Variants in UCHL5 observed in about 807,000 individuals in gnomAD.
The protein encoded by UCHL5 is ubiquitin C-terminal hydrolase L5.
A neutral mutation model predicts 53.8 loss-of-function variants in UCHL5; 34 were observed. The observed-to-expected ratio is 0.63, with a 90% CI of 0.48 to 0.84. The LOEUF (loss-of-function observed/expected upper bound fraction) is 0.84, where lower values mean the gene tolerates loss of function less well. UCHL5 is among the 40% of genes least tolerant of loss of function. UCHL5 has a pLI of 0.00. For missense variants in UCHL5, 290 were observed against 385.6 expected (o/e 0.75, Z 2.08); for synonymous variants, 111 against 126.3 (o/e 0.88, Z 0.81).
chr1:193,043,228 C>A (rs1226238770), intron 3 of UCHL5, among the ~76,000 whole-genome samples: 1 of 145,978 alleles, frequency 6.9e-6, no homozygotes, highest in Non-Finnish European at 1.5e-5. Context: ...CCTAACTGTA[C>A]CTAATATCCT....
At chr1:193,052,375 G>T (rs1416595160) in intron 1 of UCHL5, among the ~76,000 whole-genome samples, 2 of 152,078 alleles carry the variant, frequency 1.3e-5, no homozygotes, top group African/African-American at 4.8e-5. Context: ...GGCAATGATA[G>T]ACTTTTTTTT....
chr1:193,043,199 TG>T, intron 3 of UCHL5, among the ~76,000 whole-genome samples: 1 of 144,106 alleles, frequency 6.9e-6, no homozygotes, highest in African/African-American at 2.6e-5. Flanking sequence ...TATAAACTAT[TG>T]TTTTTTTTAT....
rs1285138917 is a variant in UCHL5, at chr1:193,014,884, T to G, written c.*1467A>C. 1 of 152,086 alleles carries G rather than the reference T, an allele frequency of 6.6e-6. No individual in the cohort carries two copies. Among genetic ancestry groups the G allele is most frequent in the Non-Finnish European group, 1.5e-5 (1 of 67,970 alleles). 9.4% of individuals were successfully genotyped at this position (152,086 alleles called of 1,614,324 possible). ...ATAATCCTCACATTGCTTAACAAAATTTAAGCCTCAATAGGAAAGAATATA... is the reference window on the plus strand; with the variant it reads ...ATAATCCTCACATTGCTTAACAAAAGTTAAGCCTCAATAGGAAAGAATATA... On this transcript the variant is annotated 3_prime_UTR_variant, in exon 11 of 11. Transcript: ENST00000367454.
At chr1:193,040,397 C>T (rs1048095705) in intron 3 of UCHL5, among the ~76,000 whole-genome samples, 3 of 152,152 alleles carry the variant, frequency 2.0e-5, no homozygotes, top group African/African-American at 7.2e-5. Context: ...TAAAAAAATA[C>T]TCAACATCAT....
chr1:193,025,071 T>G (rs1003875903), intron 7 of UCHL5, among the ~76,000 whole-genome samples: 1 of 151,992 alleles, frequency 6.6e-6, no homozygotes, highest in African/African-American at 2.4e-5. Context: ...TTTCCTGAGG[T>G]TTTTTTCTGC....
At position 193,014,903 on chromosome 1, in the gene UCHL5, G is replaced by A. The variant is rs907341766; in HGVS notation, c.*1448C>T. ...ACAAAATTTAAGCCTCAATAGGAAA[G>A]AATATATAAATTAAGCTGAAATAAA... On this transcript the variant is annotated 3_prime_UTR_variant, in exon 11 of 11. Coordinates refer to ENST00000367454, the MANE Select transcript of UCHL5 (RefSeq NM_001199261.3). 2 of 152,064 alleles carry A rather than the reference G, an allele frequency of 1.3e-5. No homozygotes were observed. The highest frequency in any genetic ancestry group is 2.9e-5 in the Non-Finnish European group (2 of 67,970). 9.4% of individuals were successfully genotyped at this position (152,064 alleles called of 1,614,324 possible). A position where few individuals can be genotyped will look rare whatever the true frequency, so the allele number is the denominator to read the frequency against.
At chr1:193,045,664 T>C (rs940086037) in intron 3 of UCHL5, among the ~76,000 whole-genome samples, 3 of 152,204 alleles carry the variant, frequency 2.0e-5, no homozygotes, top group African/African-American at 7.2e-5. Context: ...GGTATTTCTT[T>C]ATAGCAATGC....
intron 3 of UCHL5, among the ~76,000 whole-genome samples, chr1:193,042,534 A>C (rs1387313815): frequency 2.0e-5 from 3 of 152,212 alleles, no homozygotes; most frequent in Non-Finnish European, 4.4e-5. Flanking sequence ...CCTCACATCT[A>C]ATCTATTACA....
At chr1:193,021,299 G>A in intron 9 of UCHL5, 104 bp from the exon 10 acceptor site, 1 of 684,860 alleles carries the variant, frequency 1.5e-6, no homozygotes, top group Non-Finnish European at 2.4e-6. Flanking sequence ...ATTCTCATAA[G>A]AAAATGATTT....
rs569493048 is a variant in UCHL5 at position 193,020,759 on chromosome 1, A to G, written c.942+338T>C. 3.3e-5 allele frequency among the ~76,000 whole-genome samples: 5 copies of G among 152,018 alleles called. No individual in the cohort carries two copies. In the South Asian group the frequency reaches 1.0e-3, roughly 32 times the overall value. The stretch of plus-strand genomic sequence containing the variant: ...TTTTAAATTCTGTTATATCAACTCA[A>G]ATTTTTGCTAAATAGGAAAATATTA... On this transcript the variant is annotated intron_variant, in intron 10 of 10. Coordinates refer to ENST00000367454, the MANE Select transcript of UCHL5 (RefSeq NM_001199261.3).
intron 3 of UCHL5, among the ~76,000 whole-genome samples, chr1:193,040,362 GAC>G (rs1343841410): frequency 6.6e-6 from 1 of 152,060 alleles, no homozygotes; most frequent in Admixed American, 6.6e-5. Flanking sequence ...TTTCTCAAAA[GAC>G]ATACAAATGG....
At chr1:193,020,114 T>A (rs1219607905) in intron 10 of UCHL5, 2 of 984,854 alleles carry the variant, frequency 2.0e-6, no homozygotes, top group East Asian at 1.1e-4. Flanking sequence ...AAGAGAAGAT[T>A]TAGCAGTCTT....
chr1:193,059,782 G>T (rs765062215), upstream of UCHL5: 1 of 1,356,682 alleles, frequency 7.4e-7, no homozygotes, highest in Non-Finnish European at 9.8e-7. The surrounding 1 kb of genome is among the most constrained non-coding windows in gnomAD (Gnocchi z 4.9). Context: ...TACAGGTGAG[G>T]ACATTGCGGG....
intron 10 of UCHL5, chr1:193,019,942 C>G: frequency 2.0e-6 from 2 of 980,148 alleles, no homozygotes; most frequent in Non-Finnish European, 2.4e-6. Flanking sequence ...ATATTTTTAA[C>G]AGAAAAACAT....
At chr1:193,049,887 C>A in intron 2 of UCHL5, 36 bp from the exon 3 acceptor site, 1 of 1,527,024 alleles carries the variant, frequency 6.5e-7, no homozygotes. Flanking sequence ...ACATCAAACC[C>A]TGCTTCTTTC....
rs1224642711 is a variant in UCHL5 at position 193,054,890 on chromosome 1, T to G, written c.77-3073A>C. 2.0e-5 allele frequency among the ~76,000 whole-genome samples: 3 copies of G among 152,338 alleles called. No homozygotes were observed. The South Asian group carries it at 6.2e-4, about 32-fold the overall frequency. On this transcript the variant is annotated intron_variant, in intron 1 of 10. Transcript: ENST00000367454. ...CCTCCTTGCATGACAAGGTGGAGTC[T>G]GCAAAATCACTTACACATCTTGCTG...
intron 3 of UCHL5, among the ~76,000 whole-genome samples, chr1:193,030,506 T>A (rs1402165232): frequency 6.6e-6 from 1 of 152,222 alleles, no homozygotes; most frequent in African/African-American, 2.4e-5. Flanking sequence ...AACCACTTTA[T>A]GAACAGCAGT....
chr1:193,020,973 C>G lies in UCHL5; in HGVS notation c.942+124G>C. On this transcript the variant is annotated intron_variant, in intron 10 of 10. Transcript: ENST00000367454. ...CAGAGTAGAAAACAAGAGGCAAAAGCAAAAGAATAAAAACGTACAAGCTTC... is the reference window on the plus strand; with the variant it reads ...CAGAGTAGAAAACAAGAGGCAAAAGGAAAAGAATAAAAACGTACAAGCTTC... 2 of 673,648 alleles carry G rather than the reference C, an allele frequency of 3.0e-6. 1 individual carries two copies. The highest frequency in any genetic ancestry group is 3.7e-5 in the South Asian group (2 of 54,494). 41.7% of individuals were successfully genotyped at this position (673,648 alleles called of 1,614,324 possible). A position where few individuals can be genotyped will look rare whatever the true frequency, so the allele number is the denominator to read the frequency against.
intron 1 of UCHL5, among the ~76,000 whole-genome samples, chr1:193,058,928 C>T (rs1254743643): frequency 6.6e-6 from 1 of 152,228 alleles, no homozygotes; most frequent in African/African-American, 2.4e-5. Flanking sequence ...GATTTGGGTG[C>T]CAGGTCCTGA....
Sources: gnomAD v4.1 joint callset for allele counts (sites outside exome capture counted in the v4.1 genomes callset) on GRCh38, gnomAD v4.1.1 for gene constraint, Gnocchi (gnomAD v3.1) non-coding constraint, MANE v1.5 for transcripts, NCBI Gene and HGNC (gene_info 2026-07-23, HGNC 2026-07-21) for gene names.